The following CHN2 variants were observed in gnomAD, a reference collection of about 807,000 sequenced individuals.
CHN2 encodes the protein chimerin 2.
In CHN2, 35 loss-of-function variants were observed where a neutral mutation model predicts 56.3. That is an observed-to-expected ratio of 0.62 (90% CI 0.47 to 0.82). CHN2 has a LOEUF of 0.82. Among genes scored for constraint, CHN2 ranks in the 40% least tolerant of loss-of-function variants. CHN2 has a pLI of 0.00. For missense variants in CHN2, 491 were observed against 580.5 expected (o/e 0.85, Z 1.58); for synonymous variants, 210 against 212.8 (o/e 0.99, Z 0.12).
At chr7:29,379,595 G>A (rs1438702114) in intron 3 of CHN2, among the ~76,000 whole-genome samples, 2 of 152,212 alleles carry the variant, frequency 1.3e-5, no homozygotes, top group Non-Finnish European at 2.9e-5. Flanking sequence ...TAGATGATGT[G>A]TATATGGGTG....
At chr7:29,212,383 T>C (rs1240786422) in intron 1 of CHN2, 1 of 1,604,720 alleles carries the variant, frequency 6.2e-7, no homozygotes, top group Non-Finnish European at 8.5e-7. Flanking sequence ...ATGGCTGTGA[T>C]TTGTGGGCCT....
In CHN2 at chr7:29,177,062, AAT is replaced by A. The variant is rs527252018; in HGVS notation, c.274+30104_274+30105del. ...ATATAGATGGAAGAGGCAAATATAA[AAT>A]AGTTATCTCCTTAAGATAAAATATT... is the stretch of plus-strand genomic sequence containing the variant. On this transcript the variant is annotated intron_variant, in intron 2 of 6. Transcript: ENST00000439384. Among the ~76,000 whole-genome samples the A allele has an allele frequency of 1.2e-3, 187 of 152,310 alleles. 1 individual carries two copies. In the Middle Eastern group the frequency reaches 0.014, roughly 11 times the overall value.
At chr7:29,274,630 A>G (rs765390979) in intron 1 of CHN2, among the ~76,000 whole-genome samples, 2 of 151,440 alleles carry the variant, frequency 1.3e-5, no homozygotes, top group Non-Finnish European at 2.9e-5. Context: ...GCGCCAGTCT[A>G]TGCCCGCTGG....
intron 1 of CHN2, among the ~76,000 whole-genome samples, chr7:29,211,418 G>C (rs937158328): frequency 2.7e-5 from 4 of 149,566 alleles, no homozygotes; most frequent in African/African-American, 9.9e-5. Context: ...CTATTATGTT[G>C]AGATTAGACT....
chr7:29,399,108 C>T (rs1466305418), intron 5 of CHN2, among the ~76,000 whole-genome samples: 1 of 152,208 alleles, frequency 6.6e-6, no homozygotes, highest in Non-Finnish European at 1.5e-5. Flanking sequence ...TACATTTCCT[C>T]AGCCGCAGAT....
intron 1 of CHN2, among the ~76,000 whole-genome samples, chr7:29,300,877 CATG>C (rs1322645852): frequency 3.3e-5 from 5 of 152,138 alleles, no homozygotes; most frequent in African/African-American, 1.2e-4. Context: ...TCTCGTAAAA[CATG>C]ATATTCCTTA....
chr7:29,241,547 A>G (rs1272657223), intron 1 of CHN2, among the ~76,000 whole-genome samples: 3 of 152,126 alleles, frequency 2.0e-5, no homozygotes, highest in Non-Finnish European at 4.4e-5. Context: ...CAAGTTTTGG[A>G]AAATGAAAAG....
chr7:29,474,687 AT>A (rs1341072830), intron 6 of CHN2, among the ~76,000 whole-genome samples: 4 of 152,236 alleles, frequency 2.6e-5, no homozygotes, highest in Non-Finnish European at 5.9e-5. Context: ...CTGTAGAGCT[AT>A]CAGCAGCACA....
At chr7:29,418,669 CCT>C (rs2128103883) in intron 6 of CHN2, among the ~76,000 whole-genome samples, 1 of 152,286 alleles carries the variant, frequency 6.6e-6, no homozygotes, top group African/African-American at 2.4e-5. Context: ...CCTCAGTTTC[CCT>C]CTGTCCAGGG....
intron 2 of CHN2, among the ~76,000 whole-genome samples, chr7:29,174,319 A>G (rs1796985154): frequency 6.6e-6 from 1 of 152,216 alleles, no homozygotes; most frequent in Non-Finnish European, 1.5e-5. Flanking sequence ...ATGCAGGCAC[A>G]TATCTGCTTC....
At chr7:29,164,858 T>C (rs2128716489) in intron 2 of CHN2, among the ~76,000 whole-genome samples, 1 of 151,918 alleles carries the variant, frequency 6.6e-6, no homozygotes, top group African/African-American at 2.4e-5. Context: ...CTGATATATA[T>C]GTGTGGGTCT....
rs189536198 is a variant in CHN2, at chr7:29,148,857, T to G, written c.274+1897T>G. 3.7e-4 allele frequency among the ~76,000 whole-genome samples: 56 copies of G among 151,782 alleles called. No homozygotes were observed. The East Asian group carries it at 3.9e-3, about 11-fold the overall frequency. ...GTAATTGGGGCTGATAAAGTGTGTGTGTGGGGGAACAGAGGACAGGGACCA... is the reference window on the plus strand; with the variant it reads ...GTAATTGGGGCTGATAAAGTGTGTGGGTGGGGGAACAGAGGACAGGGACCA... On this transcript the variant is annotated intron_variant, in intron 2 of 6. Transcript: ENST00000439384.
intron 1 of CHN2, among the ~76,000 whole-genome samples, chr7:29,205,471 C>T (rs1344715196): frequency 6.6e-6 from 1 of 152,132 alleles, no homozygotes; most frequent in African/African-American, 2.4e-5. Flanking sequence ...GTGTGAATGG[C>T]TGTGAAAAAA....
chr7:29,291,515 CTG>C (rs1405711553), intron 1 of CHN2, among the ~76,000 whole-genome samples: 1 of 152,124 alleles, frequency 6.6e-6, no homozygotes, highest in Non-Finnish European at 1.5e-5. Flanking sequence ...TGTGGTCAGA[CTG>C]TTCCCATTAA....
At position 29,451,810 on chromosome 7, in the gene CHN2, G is replaced by A. The variant is rs73687443; in HGVS notation, c.577-28469G>A. Among the ~76,000 whole-genome samples the A allele has an allele frequency of 9.4e-3, 1,424 of 152,242 alleles. 25 individuals carry two copies. The highest frequency in any genetic ancestry group is 0.033 in the African/African-American group (1,355 of 41,538). ...CCGTCTTACAATTTAGTTAGCATCC[G>A]AGACAGGCCCAAACCCAGAGCTTGT... On this transcript the variant is annotated intron_variant, in intron 6 of 12. Transcript: ENST00000222792.
At chr7:29,499,824 A>T (rs760590022) in intron 8 of CHN2, 43 bp from the exon 9 acceptor site, 1 of 1,501,828 alleles carries the variant, frequency 6.7e-7, no homozygotes. Flanking sequence ...TTGTGCTTTG[A>T]CAAAAGGGCT....
chr7:29,450,123 C>T (rs1421845782), intron 6 of CHN2, among the ~76,000 whole-genome samples: 1 of 152,132 alleles, frequency 6.6e-6, no homozygotes, highest in African/African-American at 2.4e-5. Flanking sequence ...CTTCTGTTTG[C>T]AGTGCACACT....
intron 2 of CHN2, among the ~76,000 whole-genome samples, chr7:29,367,567 T>G (rs1264132402): frequency 6.6e-6 from 1 of 152,194 alleles, no homozygotes; most frequent in Non-Finnish European, 1.5e-5. Flanking sequence ...AGGAATCCTA[T>G]TATATGATCT....
At chr7:29,246,043 G>A (rs1788051188) in intron 1 of CHN2, among the ~76,000 whole-genome samples, 1 of 152,102 alleles carries the variant, frequency 6.6e-6, no homozygotes, top group Non-Finnish European at 1.5e-5. Context: ...ATGTGACGAG[G>A]GAATTTTGTT....
Sources: allele counts gnomAD v4.1 joint callset (sites outside exome capture counted in the v4.1 genomes callset), GRCh38; gene constraint gnomAD v4.1.1; transcripts MANE v1.5; gene names NCBI Gene and HGNC (gene_info 2026-07-23, HGNC 2026-07-21).